PTGER4: variants seen among roughly 807,000 people sequenced by gnomAD.
PTGER4 encodes the protein prostaglandin E2 receptor EP4 subtype.
In PTGER4, 11 loss-of-function variants were observed where a neutral mutation model predicts 33.2. That is an observed-to-expected ratio of 0.33 (90% CI 0.21 to 0.55). The LOEUF is 0.55. PTGER4 is among the 20% of genes least tolerant of loss of function. The pLI is 0.92. For missense variants in PTGER4, 481 were observed against 650.2 expected (o/e 0.74, Z 2.83); for synonymous variants, 275 against 281.5 (o/e 0.98, Z 0.23).
rs1320592835 is a variant in PTGER4, at chr5:40,692,403, T to C, written c.*25T>C. The C allele has an allele frequency of 1.3e-6, 2 of 1,554,112 alleles. No individual in the cohort carries two copies. The highest frequency in any genetic ancestry group is 1.2e-5 in the South Asian group (1 of 81,436). ...ATAGGCAAGGAAAGAAATACAGTAC[T>C]GTTTCTGGACCCTTATAAAATCCTG... On this transcript the variant is annotated 3_prime_UTR_variant, in exon 3 of 3. Transcript: ENST00000302472.
the PTGER4 span, chr5:40,730,231 T>A: frequency 6.5e-7 from 1 of 1,539,094 alleles, no homozygotes; most frequent in Non-Finnish European, 8.9e-7. Flanking sequence ...CACAATTTCA[T>A]AAGGAAAGTG....
chr5:40,711,085 GTA>G, the PTGER4 span, among the ~76,000 whole-genome samples: 3 of 150,192 alleles, frequency 2.0e-5, no homozygotes, highest in Non-Finnish European at 3.0e-5. Flanking sequence ...ATAAAAATAT[GTA>G]TATATATATA....
chr5:40,718,768 G>A, the PTGER4 span, among the ~76,000 whole-genome samples: 1 of 151,726 alleles, frequency 6.6e-6, no homozygotes, highest in African/African-American at 2.4e-5. Flanking sequence ...GGGTGTAGTG[G>A]TGTATGCCTG....
the PTGER4 span, among the ~76,000 whole-genome samples, chr5:40,727,386 A>G: frequency 6.6e-6 from 1 of 152,244 alleles, no homozygotes; most frequent in Non-Finnish European, 1.5e-5. Flanking sequence ...TCAGGTGTAT[A>G]TAGCCCTGCC....
intron 2 of PTGER4, among the ~76,000 whole-genome samples, chr5:40,682,507 G>A (rs1236384765): frequency 6.6e-6 from 1 of 152,122 alleles, no homozygotes; most frequent in African/African-American, 2.4e-5. Context: ...TCTTTACCAT[G>A]GTGTGCCCTG....
At chr5:40,746,736 T>C in the PTGER4 span, 1 of 1,235,962 alleles carries the variant, frequency 8.1e-7, no homozygotes, top group Non-Finnish European at 1.1e-6. Flanking sequence ...TTCATCCCAT[T>C]ACGGACAGTG....
At chr5:40,697,210 AAGAAAAAG>A (rs1448429123), downstream of PTGER4, among the ~76,000 whole-genome samples, 4 of 136,490 alleles carry the variant, frequency 2.9e-5, no homozygotes, top group African/African-American at 1.1e-4. Context: ...GAAAGAAAGA[AAGAAAAAG>A]AAAGAAGAAA....
chr5:40,736,184 A>G, the PTGER4 span, among the ~76,000 whole-genome samples: 1 of 152,224 alleles, frequency 6.6e-6, no homozygotes, highest in East Asian at 1.9e-4. Flanking sequence ...ATAGGCACAA[A>G]TACAGTAAGG....
At chr5:40,703,513 C>CA in the PTGER4 span, among the ~76,000 whole-genome samples, 1 of 151,892 alleles carries the variant, frequency 6.6e-6, no homozygotes, top group Non-Finnish European at 1.5e-5. Flanking sequence ...GCCTGCCAAT[C>CA]AAAAAAAGCC....
At chr5:40,738,768 T>C in the PTGER4 span, among the ~76,000 whole-genome samples, 2 of 152,106 alleles carry the variant, frequency 1.3e-5, no homozygotes, top group Non-Finnish European at 2.9e-5. Flanking sequence ...TATCTCATTG[T>C]GGTTTTAATT....
chr5:40,742,387 A>G, the PTGER4 span, among the ~76,000 whole-genome samples: 2 of 152,318 alleles, frequency 1.3e-5, no homozygotes, highest in East Asian at 3.9e-4. Context: ...TATTAAGTAC[A>G]TTACATACGT....
At chr5:40,708,161 A>T in the PTGER4 span, among the ~76,000 whole-genome samples, 1 of 152,234 alleles carries the variant, frequency 6.6e-6, no homozygotes, top group South Asian at 2.1e-4. Flanking sequence ...AGCTAGCAGA[A>T]GGCAAGAAAT....
At chr5:40,722,092 G>C in the PTGER4 span, among the ~76,000 whole-genome samples, 1 of 152,186 alleles carries the variant, frequency 6.6e-6, no homozygotes, top group African/African-American at 2.4e-5. Context: ...ATGAGTCCCA[G>C]CTACTCGGGA....
the PTGER4 span, among the ~76,000 whole-genome samples, chr5:40,745,246 C>T: frequency 1.3e-5 from 2 of 152,082 alleles, no homozygotes; most frequent in Non-Finnish European, 2.9e-5. Flanking sequence ...AAAACCTAAA[C>T]ATGAACTAAT....
chr5:40,730,420 A>G, the PTGER4 span: 1 of 1,165,012 alleles, frequency 8.6e-7, no homozygotes, highest in Non-Finnish European at 1.3e-6. Context: ...TTTTTATTGT[A>G]GTAAAATATA....
the PTGER4 span, chr5:40,730,386 C>T: frequency 2.6e-6 from 4 of 1,518,050 alleles, no homozygotes; most frequent in South Asian, 1.2e-5. Flanking sequence ...TTTCAATATG[C>T]TTTTTTGGAC....
chr5:40,680,810 G>T lies in PTGER4; in HGVS notation c.-43-141G>T. On this transcript the variant is annotated intron_variant, in intron 1 of 2. Transcript: ENST00000302472. The surrounding 1 kb of genome is among the most constrained non-coding windows in gnomAD (Gnocchi z 5.5). ...CCTGGAGATTTTGGTGGCCGCAGTT[G>T]GTAAGTGGCTACAATCCAGAAAGTA... 2 of 739,188 alleles carry T rather than the reference G, an allele frequency of 2.7e-6. No homozygotes were observed. Among genetic ancestry groups the T allele is most frequent in the Middle Eastern group, 2.4e-4 (1 of 4,104 alleles). 45.8% of individuals were successfully genotyped at this position (739,188 alleles called of 1,614,324 possible).
In PTGER4 at chr5:40,680,575, C is replaced by CGTATCATTA; in HGVS notation, c.-44+97_-44+98insGTATCATTA. 1.9e-5 allele frequency: 3 copies of CGTATCATTA among 159,608 alleles called. No individual in the cohort carries two copies. Among genetic ancestry groups the CGTATCATTA allele is most frequent in the South Asian group, 1.8e-4 (1 of 5,650 alleles). 9.9% of individuals were successfully genotyped at this position (159,608 alleles called of 1,614,324 possible). The stretch of plus-strand genomic sequence containing the variant: ...GCCAAGAAGGGAAGAGCGCGCTCTC[C>CGTATCATTA]AAATTGCTTTTGTAACTTGTTTTCA... On this transcript the variant is annotated intron_variant, in intron 1 of 2. Transcript: ENST00000302472. The surrounding 1 kb of genome is among the most constrained non-coding windows in gnomAD (Gnocchi z 5.5).
At chr5:40,697,414 T>C (rs1465359739), downstream of PTGER4, among the ~76,000 whole-genome samples, 1 of 151,614 alleles carries the variant, frequency 6.6e-6, no homozygotes, top group Non-Finnish European at 1.5e-5. Flanking sequence ...GGAGAAACCC[T>C]GTCTCTACTA....
Sources: gnomAD v4.1 joint callset for allele counts (sites outside exome capture counted in the v4.1 genomes callset) on GRCh38, gnomAD v4.1.1 for gene constraint, Gnocchi (gnomAD v3.1) non-coding constraint, MANE v1.5 for transcripts, NCBI Gene and HGNC (gene_info 2026-07-23, HGNC 2026-07-21) for gene names.